DLG2: variants seen among roughly 807,000 people sequenced by gnomAD.
DLG2 encodes the protein disks large homolog 2.
In DLG2, 45 loss-of-function variants were observed where a neutral mutation model predicts 132.5. The observed-to-expected ratio is 0.34, with a 90% confidence interval of 0.27 to 0.44. The LOEUF (loss-of-function observed/expected upper bound fraction) is 0.44, where lower values mean the gene tolerates loss of function less well. DLG2 is among the 20% of genes least tolerant of loss of function. The pLI, the probability that DLG2 is intolerant of heterozygous loss-of-function variation, is 1.00. For missense variants in DLG2, 1,045 were observed against 1,196.9 expected (o/e 0.87, Z 1.87); for synonymous variants, 424 against 419.6 (o/e 1.01, Z -0.13).
At chr11:83,532,615 T>TA (rs1452007991) in intron 21 of DLG2, 93 bp downstream of exon 21, 1 of 1,030,104 alleles carries the variant, frequency 9.7e-7, no homozygotes, top group Non-Finnish European at 1.5e-6. Context: ...GGTACCTTCA[T>TA]AATTTGTTTG....
At chr11:83,988,776 C>G (rs891554526) in intron 11 of DLG2, among the ~76,000 whole-genome samples, 1 of 152,108 alleles carries the variant, frequency 6.6e-6, no homozygotes, top group Non-Finnish European at 1.5e-5. Flanking sequence ...TCTGTAGGAG[C>G]TGGAACCTAA....
intron 6 of DLG2, among the ~76,000 whole-genome samples, chr11:84,608,778 A>G (rs1224401330): frequency 1.3e-5 from 2 of 152,306 alleles, no homozygotes; most frequent in East Asian, 3.9e-4. Flanking sequence ...CAGAGGACAA[A>G]TCAAACTACA....
At chr11:84,540,345 GAAAA>G (rs752804994) in intron 6 of DLG2, among the ~76,000 whole-genome samples, 2 of 116,404 alleles carry the variant, frequency 1.7e-5, no homozygotes, top group Admixed American at 1.8e-4. Flanking sequence ...AAATTTACAA[GAAAA>G]AAAAAAAAAA....
At chr11:85,278,886 A>G (rs2078060216) in intron 4 of DLG2, among the ~76,000 whole-genome samples, 1 of 152,206 alleles carries the variant, frequency 6.6e-6, no homozygotes, top group Non-Finnish European at 1.5e-5. Context: ...CAAGTTGCTT[A>G]TCTTCAGCTT....
chr11:83,959,243 G>A (rs1276462495), intron 14 of DLG2, among the ~76,000 whole-genome samples: 3 of 151,984 alleles, frequency 2.0e-5, no homozygotes, highest in African/African-American at 7.2e-5. Flanking sequence ...CTAGGTTATT[G>A]TAGAATTATT....
chr11:85,342,819 A>G (rs1295610708), intron 3 of DLG2, among the ~76,000 whole-genome samples: 1 of 152,222 alleles, frequency 6.6e-6, no homozygotes, highest in Non-Finnish European at 1.5e-5. Context: ...TTATGGGACC[A>G]CCATCATATA....
At chr11:83,528,305 A>T (rs1289848553) in intron 21 of DLG2, among the ~76,000 whole-genome samples, 2 of 152,172 alleles carry the variant, frequency 1.3e-5, no homozygotes, top group African/African-American at 4.8e-5. Flanking sequence ...CTTCATGTAT[A>T]CTTTCAAAAT....
chr11:84,198,050 T>A (rs574054216), intron 8 of DLG2, among the ~76,000 whole-genome samples: 1 of 152,206 alleles, frequency 6.6e-6, no homozygotes, highest in Non-Finnish European at 1.5e-5. Context: ...AAGTCAGCCA[T>A]ACTTTTTCTG....
intron 6 of DLG2, among the ~76,000 whole-genome samples, chr11:84,840,538 A>G (rs1395704432): frequency 2.4e-4 from 36 of 152,204 alleles, no homozygotes; most frequent in Non-Finnish European, 1.8e-4. Context: ...ATACACATGC[A>G]CACATATGTT....
intron 4 of DLG2, 63 bp downstream of exon 4, chr11:85,285,157 T>C (rs1026221641): frequency 4.9e-6 from 7 of 1,430,338 alleles, no homozygotes; most frequent in Admixed American, 4.0e-5. Flanking sequence ...ACTACTACCA[T>C]TACTTCTTTA....
Position 85,012,343 on chromosome 11 carries a change from G to A in DLG2, c.357+99318C>T, listed in dbSNP as rs1403504205. Among the ~76,000 whole-genome samples, 2 of 93,344 alleles carry A rather than the reference G, an allele frequency of 2.1e-5. 1 individual carries two copies. Among genetic ancestry groups the A allele is most frequent in the Admixed American group, 2.1e-4 (2 of 9,694 alleles). The allele number at this position is 93,344 out of a possible 152,430, so 61.2% of individuals were successfully genotyped here. A position where few individuals can be genotyped will look rare whatever the true frequency, so the allele number is the denominator to read the frequency against. On this transcript the variant is annotated intron_variant, in intron 6 of 27. Transcript: ENST00000376104. ...AGATCGAGACCATCCTGGCTAACAC[G>A]GTGAAACCCCATTTCTACTAAAAAT...
intron 5 of DLG2, among the ~76,000 whole-genome samples, chr11:85,137,149 A>G (rs568138177): frequency 6.6e-6 from 1 of 152,252 alleles, no homozygotes; most frequent in African/African-American, 2.4e-5. Context: ...GGAGAAGGGC[A>G]ATTTCTAGCT....
At chr11:83,745,990 C>T (rs909065080) in intron 18 of DLG2, among the ~76,000 whole-genome samples, 14 of 152,238 alleles carry the variant, frequency 9.2e-5, no homozygotes, top group African/African-American at 1.9e-4. Flanking sequence ...CTCACCATCA[C>T]GTTCATCAGA....
intron 3 of DLG2, among the ~76,000 whole-genome samples, chr11:85,429,417 A>T (rs538085949): frequency 2.0e-5 from 3 of 152,286 alleles, no homozygotes; most frequent in African/African-American, 7.2e-5. Flanking sequence ...ATCAGAGTGA[A>T]CAGGAACCTA....
chr11:84,505,073 T>C (rs1358187982), intron 7 of DLG2, among the ~76,000 whole-genome samples: 2 of 152,156 alleles, frequency 1.3e-5, no homozygotes, highest in East Asian at 3.8e-4. Context: ...ACTAGCTTCG[T>C]TGGTGCCTTT....
At chr11:83,663,787 G>A (rs894371286) in intron 18 of DLG2, among the ~76,000 whole-genome samples, 9 of 152,160 alleles carry the variant, frequency 5.9e-5, no homozygotes, top group African/African-American at 2.2e-4. Context: ...ACTGACATAA[G>A]GCTGTTGATT....
chr11:83,733,251 A>AC (rs921013173), intron 18 of DLG2, among the ~76,000 whole-genome samples: 13 of 150,406 alleles, frequency 8.6e-5, no homozygotes, highest in African/African-American at 2.5e-4. Context: ...AAAAAAAAAA[A>AC]AAAAAAAAAA....
At chr11:85,075,747 C>G (rs962565839) in intron 6 of DLG2, among the ~76,000 whole-genome samples, 17 of 151,754 alleles carry the variant, frequency 1.1e-4, no homozygotes, top group Non-Finnish European at 2.4e-4. Context: ...CACTCTTACA[C>G]TCTCAGAAAA....
intron 8 of DLG2, among the ~76,000 whole-genome samples, chr11:84,204,591 T>C (rs1427891709): frequency 6.6e-6 from 1 of 152,164 alleles, no homozygotes; most frequent in Non-Finnish European, 1.5e-5. Context: ...AATGAAACAT[T>C]ATAATTATTA....
Sources: gnomAD v4.1 joint callset for allele counts (sites outside exome capture counted in the v4.1 genomes callset) on GRCh38, gnomAD v4.1.1 for gene constraint, MANE v1.5 for transcripts, NCBI Gene and HGNC (gene_info 2026-07-23, HGNC 2026-07-21) for gene names.